The following ITGA11 variants were observed in gnomAD, a reference collection of about 807,000 sequenced individuals.
ITGA11 encodes the protein integrin alpha-11.
In ITGA11, 97 loss-of-function variants were observed where a neutral mutation model predicts 141.9. The ratio of observed to expected loss-of-function variants is 0.68; its 90% CI spans 0.58 to 0.81. The LOEUF is 0.81. ITGA11 is among the 30% of genes least tolerant of loss of function. The probability of loss-of-function intolerance (pLI) is 0.00; values close to 1 mark genes in which losing one functional copy is unlikely to be tolerated. For missense variants in ITGA11, 1,387 were observed against 1,559.2 expected (o/e 0.89, Z 1.86); for synonymous variants, 658 against 624.6 (o/e 1.05, Z -0.80).
Position 68,328,334 on chromosome 15 carries a change from A to G in ITGA11, c.1902-72T>C. ...TGCCCTGCTGTGACCATGGGGAAAG[A>G]CAAGAACCAGATGCGAGTGGGATCT... On this transcript the variant is annotated intron_variant, in intron 15 of 29. Transcript: ENST00000315757. This position sits in a 1 kb window ranked among gnomAD's most constrained non-coding sequence, Gnocchi z 4.8. 1.5e-6 allele frequency: 2 copies of G among 1,374,232 alleles called. No homozygotes were observed. 85.1% of individuals were successfully genotyped at this position (1,374,232 alleles called of 1,614,324 possible). A position where few individuals can be genotyped will look rare whatever the true frequency, so the allele number is the denominator to read the frequency against.
chr15:68,313,904 G>T (rs1301114393), intron 22 of ITGA11, 36 bp from the exon 23 acceptor site: 1 of 1,545,918 alleles, frequency 6.5e-7, no homozygotes, highest in Admixed American at 1.7e-5. Context: ...TCAGGAAGGG[G>T]CTCAGCCAGC....
intron 1 of ITGA11, among the ~76,000 whole-genome samples, chr15:68,420,176 A>AGAT (rs571250186): frequency 1.1e-4 from 17 of 152,354 alleles, no homozygotes; most frequent in African/African-American, 3.8e-4. Flanking sequence ...TGTGGCATAT[A>AGAT]GATGATGTCT....
Position 68,325,055 on chromosome 15 carries a change from G to A in ITGA11, c.2322+76C>T. 2 of 1,075,180 alleles carry A rather than the reference G, an allele frequency of 1.9e-6. No homozygotes were observed. Among genetic ancestry groups the A allele is most frequent in the Admixed American group, 3.4e-5 (2 of 58,806 alleles). 66.6% of individuals were successfully genotyped at this position (1,075,180 alleles called of 1,614,324 possible). A position where few individuals can be genotyped will look rare whatever the true frequency, so the allele number is the denominator to read the frequency against. ...TGTCCTCTGTACCCGGCACACTCAG[G>A]CTCTGGGCTTTGGGGTTGAGGTGGA... is the stretch of plus-strand genomic sequence containing the variant. On this transcript the variant is annotated intron_variant, in intron 18 of 29. Transcript: ENST00000315757. The surrounding 1 kb of genome is among the most constrained non-coding windows in gnomAD (Gnocchi z 5.5).
chr15:68,366,496 G>A (rs561708702), intron 3 of ITGA11, among the ~76,000 whole-genome samples: 3 of 152,086 alleles, frequency 2.0e-5, no homozygotes, highest in Admixed American at 1.3e-4. Flanking sequence ...GGTAACCCTC[G>A]CCCCCTTCTG....
In ITGA11 at chr15:68,300,023, T is replaced by A. The variant is rs762070397; in HGVS notation, c.*3036A>T. 6.6e-6 allele frequency: 1 copy of A among 152,230 alleles called. No individual in the cohort carries two copies. The highest frequency in any genetic ancestry group is 2.4e-5 in the African/African-American group (1 of 41,468). 9.4% of individuals were successfully genotyped at this position (152,230 alleles called of 1,614,324 possible). On this transcript the variant is annotated 3_prime_UTR_variant, in exon 30 of 30. Transcript: ENST00000315757. ...GCCATCAAGATAGTCCCCAGCACAGTTGAAGGGCATCTAAAGACAGGCCTG... is the reference window on the plus strand; with the variant it reads ...GCCATCAAGATAGTCCCCAGCACAGATGAAGGGCATCTAAAGACAGGCCTG...
Position 68,324,439 on chromosome 15 carries a change from G to T in ITGA11, c.2322+692C>A, listed in dbSNP as rs913148574. On this transcript the variant is annotated intron_variant, in intron 18 of 29. Transcript: ENST00000315757. The surrounding 1 kb of genome is among the most constrained non-coding windows in gnomAD (Gnocchi z 6.3). ...AAAAGTTGTTTCCCAAATCCTCAAG[G>T]TTCAGGCATTAGCTATTCCATTTTA... is the stretch of plus-strand genomic sequence containing the variant. 1.3e-5 allele frequency among the ~76,000 whole-genome samples: 2 copies of T among 152,156 alleles called. No individual in the cohort carries two copies. The highest frequency in any genetic ancestry group is 6.5e-5 in the Admixed American group (1 of 15,276).
At chr15:68,390,134 G>GGGGATGTGGAAAACTGTTC (rs1211379610) in intron 2 of ITGA11, among the ~76,000 whole-genome samples, 1 of 152,180 alleles carries the variant, frequency 6.6e-6, no homozygotes, top group Non-Finnish European at 1.5e-5. Flanking sequence ...GCTAGAACCA[G>GGGGATGTGGAAAACTGTTC]GGGATGTGGA....
At chr15:68,310,581 C>A (rs994199193) in intron 26 of ITGA11, among the ~76,000 whole-genome samples, 2 of 152,224 alleles carry the variant, frequency 1.3e-5, no homozygotes, top group African/African-American at 4.8e-5. Flanking sequence ...CCCCAGCTGA[C>A]GCAGCCAAAT....
At position 68,302,837 on chromosome 15, in the gene ITGA11, T is replaced by C. The variant is rs1893075406; in HGVS notation, c.*222A>G. 1.5e-5 allele frequency: 8 copies of C among 533,924 alleles called. No individual in the cohort carries two copies. Among genetic ancestry groups the C allele is most frequent in the Non-Finnish European group, 2.3e-5 (7 of 302,972 alleles). The allele number at this position is 533,924 out of a possible 1,614,324, so 33.1% of individuals were successfully genotyped here. ...GGGTGTCCCTTTAAATCCCTAGGGGTCTGTGTTAAAGGTGTCCCAGTCTCC... is the reference window on the plus strand; with the variant it reads ...GGGTGTCCCTTTAAATCCCTAGGGGCCTGTGTTAAAGGTGTCCCAGTCTCC... On this transcript the variant is annotated 3_prime_UTR_variant, in exon 30 of 30. Transcript: ENST00000315757.
intron 1 of ITGA11, among the ~76,000 whole-genome samples, chr15:68,423,255 C>T (rs543329987): frequency 4.4e-4 from 67 of 152,156 alleles, no homozygotes; most frequent in African/African-American, 1.3e-3. Flanking sequence ...TGCTGTATGG[C>T]GGGGGAAGTA....
At chr15:68,418,651 C>A (rs112999629) in intron 1 of ITGA11, among the ~76,000 whole-genome samples, 1 of 135,490 alleles carries the variant, frequency 7.4e-6, no homozygotes, top group African/African-American at 2.8e-5. Flanking sequence ...AATCATGTAG[C>A]GCACAGCCGG....
At chr15:68,339,835 C>T (rs1006870569) in intron 10 of ITGA11, among the ~76,000 whole-genome samples, 191 bp from the exon 11 acceptor site, 5 of 152,134 alleles carry the variant, frequency 3.3e-5, no homozygotes, top group Admixed American at 2.6e-4. Context: ...CTTTCTTGCC[C>T]CATTCCATCC....
intron 11 of ITGA11, 177 bp from the exon 12 acceptor site, chr15:68,336,022 G>C: frequency 1.4e-6 from 1 of 717,674 alleles, no homozygotes; most frequent in Non-Finnish European, 2.3e-6. Context: ...GGGAGGCCTG[G>C]AAGAGGCAGG....
intron 3 of ITGA11, among the ~76,000 whole-genome samples, chr15:68,368,244 G>C (rs746679570): frequency 6.6e-6 from 1 of 152,164 alleles, no homozygotes; most frequent in Admixed American, 6.5e-5. Context: ...CCCGCTCCTC[G>C]AAGGAGGGAG....
At chr15:68,371,589 G>A (rs1271751517) in intron 2 of ITGA11, among the ~76,000 whole-genome samples, 1 of 152,070 alleles carries the variant, frequency 6.6e-6, no homozygotes, top group Admixed American at 6.5e-5. Context: ...GTGGTGGTGG[G>A]CATCTGTAAT....
intron 10 of ITGA11, among the ~76,000 whole-genome samples, chr15:68,344,736 C>G (rs888294851): frequency 6.6e-6 from 1 of 152,246 alleles, no homozygotes; most frequent in African/African-American, 2.4e-5. Context: ...CAGAACTGAG[C>G]ACTGGTCCTG....
intron 2 of ITGA11, among the ~76,000 whole-genome samples, chr15:68,370,437 G>A (rs191765949): frequency 2.2e-4 from 34 of 152,274 alleles, no homozygotes; most frequent in Middle Eastern, 6.8e-3. Flanking sequence ...GCTCTCCAGG[G>A]CCCTCTACGC....
intron 1 of ITGA11, among the ~76,000 whole-genome samples, chr15:68,418,854 G>C (rs1432045785): frequency 1.3e-5 from 2 of 151,620 alleles, no homozygotes; most frequent in African/African-American, 4.8e-5. Context: ...CAAGAGCCCT[G>C]TGCATGTGGG....
At chr15:68,402,819 G>T in intron 2 of ITGA11, 99 bp downstream of exon 2, 1 of 757,074 alleles carries the variant, frequency 1.3e-6, no homozygotes. Flanking sequence ...CAGTCTCCAT[G>T]TGAGGGCCAG....
Sources: gnomAD v4.1 joint callset for allele counts (sites outside exome capture counted in the v4.1 genomes callset) on GRCh38, gnomAD v4.1.1 for gene constraint, Gnocchi (gnomAD v3.1) non-coding constraint, MANE v1.5 for transcripts, NCBI Gene and HGNC (gene_info 2026-07-23, HGNC 2026-07-21) for gene names.